The following CELF3 variants were observed in gnomAD, a reference collection of about 807,000 sequenced individuals.
The protein encoded by CELF3 is CAG repeat domain.
A neutral mutation model predicts 59.6 loss-of-function variants in CELF3; 26 were observed. That is an observed-to-expected ratio of 0.44 (90% CI 0.32 to 0.61). CELF3 has a LOEUF of 0.61. Among genes scored for constraint, CELF3 ranks in the 20% least tolerant of loss-of-function variants. CELF3 has a pLI of 0.06. For synonymous variants in CELF3, 245 were observed against 250.7 expected, an observed-to-expected ratio of 0.98 and a Z score of 0.22; for missense variants, 387 against 627.2, an observed-to-expected ratio of 0.62 and a Z score of 4.09.
Position 151,700,573 on chromosome 1 carries a change from G to A in CELF3, c.*2886C>T, listed in dbSNP as rs1672010575. Among the ~76,000 whole-genome samples, 1 of 152,158 alleles carries A rather than the reference G, an allele frequency of 6.6e-6. No homozygotes were observed. ...AACAACAAAAAACAGCAGCAGAGAA[G>A]TTTTGTTTTTTATTAGCTGCAGTTT... On this transcript the variant is annotated 3_prime_UTR_variant, in exon 13 of 13. Transcript: ENST00000290583.
intron 2 of CELF3, among the ~76,000 whole-genome samples, chr1:151,713,196 A>G (rs1043956917): frequency 5.9e-5 from 9 of 152,190 alleles, no homozygotes; most frequent in African/African-American, 2.2e-4. Flanking sequence ...GCTCTGGAGA[A>G]GGGCTAGACA....
rs902874489 is a variant in CELF3, at chr1:151,708,512, C to T, written c.486+486G>A. 13 of 188,124 alleles carry T rather than the reference C, an allele frequency of 6.9e-5. No individual in the cohort carries two copies. The East Asian group carries it at 1.2e-3, about 18-fold the overall frequency. The allele number at this position is 188,124 out of a possible 1,614,324, so 11.7% of individuals were successfully genotyped here. A position where few individuals can be genotyped will look rare whatever the true frequency, so the allele number is the denominator to read the frequency against. ...CCTCCACCAAGGCCCCGTGAAATGTCTGCCCAGCCTTTGCTGGAGAGCTGT... is the reference window on the plus strand; with the variant it reads ...CCTCCACCAAGGCCCCGTGAAATGTTTGCCCAGCCTTTGCTGGAGAGCTGT... On this transcript the variant is annotated intron_variant, in intron 5 of 12. Transcript: ENST00000290583.
chr1:151,703,126 A>C lies in CELF3; in HGVS notation c.*333T>G, dbSNP rs1487783495. The C allele has an allele frequency of 2.2e-6, 1 of 459,318 alleles. No individual in the cohort carries two copies. The highest frequency in any genetic ancestry group is 1.5e-5 in the South Asian group (1 of 64,672). 28.5% of individuals were successfully genotyped at this position (459,318 alleles called of 1,614,324 possible). On this transcript the variant is annotated 3_prime_UTR_variant, in exon 13 of 13. Coordinates refer to ENST00000290583, the MANE Select transcript of CELF3 (RefSeq NM_007185.7). The stretch of plus-strand genomic sequence containing the variant: ...GAACAGGCCCACTGTTGGGGGAGGC[A>C]AGTACAAACGCTGGGTACAGAAGGC...
chr1:151,707,281 AG>A lies in CELF3; in HGVS notation c.785del (p.Pro262LeufsTer165). On this transcript the variant is annotated frameshift_variant, in exon 8 of 13. Coordinates refer to ENST00000290583, the MANE Select transcript of CELF3 (RefSeq NM_007185.7). LOFTEE classifies it high-confidence loss of function. Reference protein sequence around the residue: ...PITPSSGTSTPPAIAATPVSA... With the variant: ...PITPSSGTSTXPAIAATPVSA... ...AGACAGGCGTGGCAGCGATGGCAGGAGGGGTGCTGGTTCCTGGGGAGGAGAA... is the reference window on the plus strand; with the variant it reads ...AGACAGGCGTGGCAGCGATGGCAGGAGGGTGCTGGTTCCTGGGGAGGAGAA... 3.2e-6 allele frequency: 5 copies of A among 1,570,404 alleles called. No individual in the cohort carries two copies. The highest frequency in any genetic ancestry group is 4.3e-6 in the Non-Finnish European group (5 of 1,159,322).
chr1:151,715,515 T>TGCAC, intron 1 of CELF3: 2 of 830,750 alleles, frequency 2.4e-6, no homozygotes, highest in Non-Finnish European at 3.5e-6. Flanking sequence ...TCAGTCTTGC[T>TGCAC]GCACACGCAC....
chr1:151,707,377 GA>G, intron 7 of CELF3, 83 bp from the exon 8 acceptor site: 1 of 1,538,258 alleles, frequency 6.5e-7, no homozygotes, highest in East Asian at 2.4e-5. Flanking sequence ...TCTGTGGGCA[GA>G]GGGGAGGAAG....
In CELF3 at chr1:151,701,042, A is replaced by G. The variant is rs572224833; in HGVS notation, c.*2417T>C. The G allele has an allele frequency of 6.6e-6, 1 of 152,450 alleles. No individual in the cohort carries two copies. Among genetic ancestry groups the G allele is most frequent in the South Asian group, 2.1e-4 (1 of 4,830 alleles). The allele number at this position is 152,450 out of a possible 1,614,324, so 9.4% of individuals were successfully genotyped here. On this transcript the variant is annotated 3_prime_UTR_variant, in exon 13 of 13. Coordinates refer to ENST00000290583, the MANE Select transcript of CELF3 (RefSeq NM_007185.7). Reference sequence around the variant, plus strand: ...AAAAGATGACTCTTGGCTTCTTGGGAGAACAAATTGTAGGAGAGCAGGAAA... The same window carrying G: ...AAAAGATGACTCTTGGCTTCTTGGGGGAACAAATTGTAGGAGAGCAGGAAA...
At chr1:151,708,925 C>T in intron 5 of CELF3, 73 bp downstream of exon 5, 1 of 1,398,854 alleles carries the variant, frequency 7.1e-7, no homozygotes, top group Non-Finnish European at 1.0e-6. Context: ...GAGTGGACTG[C>T]TTCTCTGGGC....
chr1:151,708,849 T>C, intron 5 of CELF3, 149 bp downstream of exon 5: 3 of 662,626 alleles, frequency 4.5e-6, no homozygotes, highest in Non-Finnish European at 7.6e-6. Flanking sequence ...AATGTGAGGG[T>C]GTCCCTAAGC....
chr1:151,713,856 C>A (rs574851968), intron 2 of CELF3, among the ~76,000 whole-genome samples: 1 of 152,318 alleles, frequency 6.6e-6, no homozygotes, highest in East Asian at 1.9e-4. Context: ...GGGCTTGGGA[C>A]AATCAGCAAG....
At position 151,709,149 on chromosome 1, in the gene CELF3, G is replaced by T. The variant is rs1672802136; in HGVS notation, c.406+71C>A. 6.2e-7 allele frequency: 1 copy of T among 1,605,794 alleles called. No individual in the cohort carries two copies. The highest frequency in any genetic ancestry group is 2.2e-5 in the East Asian group (1 of 44,658). On this transcript the variant is annotated intron_variant, in intron 4 of 12. Coordinates refer to ENST00000290583, the MANE Select transcript of CELF3 (RefSeq NM_007185.7). This position sits in a 1 kb window ranked among gnomAD's most constrained non-coding sequence, Gnocchi z 4.9. ...GCGGGACCCCGCGGTGGAACCCGAT[G>T]CCTAGGGAGTCTTGGGGGTGGAACA...
At chr1:151,707,748 C>T (rs1335577418) in intron 6 of CELF3, 44 bp downstream of exon 6, 1 of 1,605,764 alleles carries the variant, frequency 6.2e-7, no homozygotes. Context: ...GGGCAAGATA[C>T]AGGGGGTCAG....
rs1672409649 is a variant in CELF3 at position 151,705,194 on chromosome 1, G to GGCCCA, written c.1271-31_1271-27dup. ...CTGGGGTGAGAGGGGCATAAGGCCC[G>GGCCCA]GCCCAGCCCCACCTCGCTCTTCCGT... On this transcript the variant is annotated intron_variant, in intron 11 of 12. Transcript: ENST00000290583. The surrounding 1 kb of genome is among the most constrained non-coding windows in gnomAD (Gnocchi z 5.1). The GGCCCA allele has an allele frequency of 6.2e-7, 1 of 1,600,296 alleles. No individual in the cohort carries two copies. Among genetic ancestry groups the GGCCCA allele is most frequent in the Non-Finnish European group, 8.5e-7 (1 of 1,170,740 alleles).
At position 151,709,359 on chromosome 1, in the gene CELF3, G is replaced by A; in HGVS notation, c.278-11C>T. 2 of 1,613,944 alleles carry A rather than the reference G, an allele frequency of 1.2e-6. No individual in the cohort carries two copies. The highest frequency in any genetic ancestry group is 1.7e-6 in the Non-Finnish European group (2 of 1,179,894). On this transcript the variant is annotated splice_polypyrimidine_tract_variant and intron_variant, in intron 3 of 12. Transcript: ENST00000290583. This position sits in a 1 kb window ranked among gnomAD's most constrained non-coding sequence, Gnocchi z 4.9. ...AGAGCTTCCGGTCTTCTGGGTGGTAGGGCACAGGAGGAGGGCATGTTCAGG... is the reference window on the plus strand; with the variant it reads ...AGAGCTTCCGGTCTTCTGGGTGGTAAGGCACAGGAGGAGGGCATGTTCAGG...
chr1:151,712,572 T>G (rs888236266), intron 2 of CELF3, among the ~76,000 whole-genome samples: 1 of 152,060 alleles, frequency 6.6e-6, no homozygotes, highest in Non-Finnish European at 1.5e-5. Flanking sequence ...CAACCCCCAC[T>G]CCACCACCTC....
chr1:151,714,471 A>G, intron 2 of CELF3, 123 bp downstream of exon 2: 1 of 747,004 alleles, frequency 1.3e-6, no homozygotes. Flanking sequence ...CTACAGAGAG[A>G]GAGGGGGACT....
Position 151,709,676 on chromosome 1 carries a change from C to A in CELF3, c.277+67G>T, listed in dbSNP as rs1326601511. The A allele has an allele frequency of 2.0e-6, 3 of 1,498,274 alleles. No individual in the cohort carries two copies. The highest frequency in any genetic ancestry group is 2.8e-6 in the Non-Finnish European group (3 of 1,074,448). 92.8% of individuals were successfully genotyped at this position (1,498,274 alleles called of 1,614,324 possible). A position where few individuals can be genotyped will look rare whatever the true frequency, so the allele number is the denominator to read the frequency against. On this transcript the variant is annotated intron_variant, in intron 3 of 12. Coordinates refer to ENST00000290583, the MANE Select transcript of CELF3 (RefSeq NM_007185.7). The surrounding 1 kb of genome is among the most constrained non-coding windows in gnomAD (Gnocchi z 4.9). ...TTCTCCCTCAAGAAAGGCTACCCCTCGACAACTCCAGGCCCTGGGCCTGGG... is the reference window on the plus strand; with the variant it reads ...TTCTCCCTCAAGAAAGGCTACCCCTAGACAACTCCAGGCCCTGGGCCTGGG...
chr1:151,707,077 C>T, intron 8 of CELF3, 68 bp downstream of exon 8: 1 of 1,399,606 alleles, frequency 7.1e-7, no homozygotes, highest in South Asian at 1.6e-5. Context: ...AAGGTGTGTC[C>T]TGCCTCCCTA....
intron 1 of CELF3, among the ~76,000 whole-genome samples, chr1:151,714,951 G>T (rs772606172): frequency 6.6e-6 from 1 of 151,910 alleles, no homozygotes; most frequent in South Asian, 2.1e-4. Context: ...CCATGTGACC[G>T]CCAGACAAGT....
Sources: gnomAD v4.1 joint callset for allele counts (sites outside exome capture counted in the v4.1 genomes callset) on GRCh38, gnomAD v4.1.1 for gene constraint, Gnocchi (gnomAD v3.1) non-coding constraint, MANE v1.5 for transcripts, NCBI Gene and HGNC (gene_info 2026-07-23, HGNC 2026-07-21) for gene names.